KATNAL2: variants seen among roughly 807,000 people sequenced by gnomAD.
KATNAL2 encodes the protein katanin catalytic subunit A1 like 2.
A neutral mutation model predicts 76.3 loss-of-function variants in KATNAL2; 52 were observed. The observed-to-expected ratio is 0.68, with a 90% CI of 0.55 to 0.86. The LOEUF (loss-of-function observed/expected upper bound fraction) is 0.86. Ranked by LOEUF, KATNAL2 falls within the 40% of genes least tolerant of loss-of-function variation. KATNAL2 has a pLI of 0.00. For synonymous variants in KATNAL2, 243 were observed against 244.2 expected, an observed-to-expected ratio of 1.00 and a Z score of 0.05; for missense variants, 660 against 668.9, an observed-to-expected ratio of 0.99 and a Z score of 0.15.
chr18:47,046,412 T>G, intron 3 of KATNAL2, 45 bp from the exon 4 acceptor site: 1 of 1,255,192 alleles, frequency 8.0e-7, no homozygotes, highest in Non-Finnish European at 1.1e-6. Flanking sequence ...GTAGGAGCAG[T>G]GTTATTTTTT....
chr18:46,957,061 G>T (rs970059835), intron 3 of KATNAL2, among the ~76,000 whole-genome samples: 1 of 145,248 alleles, frequency 6.9e-6, no homozygotes, highest in African/African-American at 2.5e-5. Flanking sequence ...AAAAGAAAAA[G>T]AAAATTCATA....
intron 15 of KATNAL2, chr18:47,098,221 CAAAA>C: frequency 3.6e-5 from 11 of 309,560 alleles, no homozygotes; most frequent in Admixed American, 8.1e-5. Context: ...GACTCCGTCT[CAAAA>C]AAAAAAAAAG....
At chr18:47,053,142 T>TACTCCTTTGGTGCAGGGTGA in intron 5 of KATNAL2, 96 bp downstream of exon 5, 2 of 1,046,212 alleles carry the variant, frequency 1.9e-6, no homozygotes, top group Non-Finnish European at 2.7e-6. Context: ...ACCCTCACCC[T>TACTCCTTTGGTGCAGGGTGA]GCACCAAAGG....
At chr18:47,097,595 A>C (rs2063304199) in intron 15 of KATNAL2, among the ~76,000 whole-genome samples, 1 of 152,218 alleles carries the variant, frequency 6.6e-6, no homozygotes, top group Admixed American at 6.5e-5. Flanking sequence ...TGTTTCTTCA[A>C]AAAGGGTCTA....
In KATNAL2 at chr18:47,101,678, C is replaced by T. The variant is rs537039612; in HGVS notation, c.*673C>T. 1.3e-5 allele frequency: 2 copies of T among 153,002 alleles called. No homozygotes were observed. Among genetic ancestry groups the T allele is most frequent in the East Asian group, 3.9e-4 (2 of 5,194 alleles). 9.5% of individuals were successfully genotyped at this position (153,002 alleles called of 1,614,324 possible). A position where few individuals can be genotyped will look rare whatever the true frequency, so the allele number is the denominator to read the frequency against. On this transcript the variant is annotated 3_prime_UTR_variant, in exon 18 of 18. Transcript: ENST00000683218. Reference sequence around the variant, plus strand: ...TCTGATTGTTTTGGGTTCTGGCCCCCAATAACATCTTTTCACTCTTCACAC... The same window carrying T: ...TCTGATTGTTTTGGGTTCTGGCCCCTAATAACATCTTTTCACTCTTCACAC...
At chr18:47,032,353 C>T (rs748595554) in intron 3 of KATNAL2, among the ~76,000 whole-genome samples, 3 of 152,184 alleles carry the variant, frequency 2.0e-5, no homozygotes, top group Non-Finnish European at 4.4e-5. Context: ...CTCAGGCAAT[C>T]CTGCCACCTC....
At chr18:47,046,553 G>A (rs1438432479) in intron 4 of KATNAL2, 26 bp downstream of exon 4, 1 of 1,421,870 alleles carries the variant, frequency 7.0e-7, no homozygotes, top group Non-Finnish European at 9.6e-7. Flanking sequence ...AACATTTATA[G>A]AGATGATTCC....
At position 47,101,190 on chromosome 18, in the gene KATNAL2, T is replaced by A; in HGVS notation, c.*185T>A. The A allele has an allele frequency of 3.2e-6, 2 of 621,600 alleles. No individual in the cohort carries two copies. The highest frequency in any genetic ancestry group is 5.4e-6 in the Non-Finnish European group (2 of 368,772). The allele number at this position is 621,600 out of a possible 1,614,324, so 38.5% of individuals were successfully genotyped here. A position where few individuals can be genotyped will look rare whatever the true frequency, so the allele number is the denominator to read the frequency against. ...ATTTATTAACTTACCATTATCGATG[T>A]CAGCAAAATATTGAGAGTTTCAGTT... On this transcript the variant is annotated 3_prime_UTR_variant, in exon 18 of 18. Coordinates refer to ENST00000683218, the MANE Select transcript of KATNAL2 (RefSeq NM_001387690.1).
intron 3 of KATNAL2, among the ~76,000 whole-genome samples, chr18:46,957,883 A>G (rs1331840819): frequency 6.6e-6 from 1 of 151,880 alleles, no homozygotes; most frequent in Non-Finnish European, 1.5e-5. Context: ...TTTTTAGTAG[A>G]GACGGGGTTT....
In KATNAL2 at chr18:47,063,306, G is replaced by A. The variant is rs2061692401; in HGVS notation, c.671G>A (p.Ser224Asn). Reference sequence around the variant, plus strand: ...CAGGAACGACTGCTGAAACCTCTGAGTGCATTTATTGGCATGAACAGTGAG... The same window carrying A: ...CAGGAACGACTGCTGAAACCTCTGAATGCATTTATTGGCATGAACAGTGAG... ...DPSERLLKPL[S>N]AFIGMNSEMR... The change falls in exon 10 of 18, where the codon AGT becomes AAT. Residue 224 changes from serine to asparagine, a missense_variant. Coordinates refer to ENST00000683218, the MANE Select transcript of KATNAL2 (RefSeq NM_001387690.1). 20 of 1,613,972 alleles carry A rather than the reference G, an allele frequency of 1.2e-5. No individual in the cohort carries two copies. The highest frequency in any genetic ancestry group is 1.7e-5 in the Non-Finnish European group (20 of 1,179,924).
chr18:47,034,309 C>G (rs2060646399), intron 3 of KATNAL2: 1 of 1,613,148 alleles, frequency 6.2e-7, no homozygotes, highest in Admixed American at 1.7e-5. Flanking sequence ...GCCGTCTAGA[C>G]TGGGCCTCTT....
chr18:47,090,202 G>C (rs1239876272), intron 15 of KATNAL2, among the ~76,000 whole-genome samples: 2 of 152,000 alleles, frequency 1.3e-5, no homozygotes, highest in Non-Finnish European at 2.9e-5. Context: ...CGCCTCCCAA[G>C]TTCAAGCAAT....
intron 3 of KATNAL2, among the ~76,000 whole-genome samples, chr18:46,959,068 A>C (rs567964437): frequency 5.9e-5 from 9 of 152,238 alleles, no homozygotes; most frequent in Non-Finnish European, 1.3e-4. Flanking sequence ...TGGGCTCCTA[A>C]AAAAAGAGTA....
chr18:47,082,165 T>C (rs1365862809), intron 15 of KATNAL2, among the ~76,000 whole-genome samples: 1 of 152,164 alleles, frequency 6.6e-6, no homozygotes, highest in Non-Finnish European at 1.5e-5. Context: ...TGACCTGGCC[T>C]AACTAAGATG....
chr18:47,096,544 T>G (rs184061243), intron 15 of KATNAL2, among the ~76,000 whole-genome samples: 1 of 152,110 alleles, frequency 6.6e-6, no homozygotes, highest in African/African-American at 2.4e-5. Flanking sequence ...CTCACTATGT[T>G]GCCCAGCATA....
chr18:47,032,695 C>A, intron 3 of KATNAL2: 2 of 431,540 alleles, frequency 4.6e-6, no homozygotes, highest in Non-Finnish European at 8.1e-6. Context: ...GGAAATCTCA[C>A]ATCTTTTTCC....
At chr18:46,950,322 G>C (rs2059512886) in intron 3 of KATNAL2, among the ~76,000 whole-genome samples, 1 of 152,150 alleles carries the variant, frequency 6.6e-6, no homozygotes, top group South Asian at 2.1e-4. Flanking sequence ...GCAAGGAATT[G>C]TGCTGAGTAG....
chr18:47,085,546 A>C (rs2062731625), intron 15 of KATNAL2, among the ~76,000 whole-genome samples: 1 of 152,104 alleles, frequency 6.6e-6, no homozygotes. Flanking sequence ...ATTGGCCTTT[A>C]GAGATGTCTT....
chr18:47,090,558 G>A (rs1382183541), intron 15 of KATNAL2, among the ~76,000 whole-genome samples: 1 of 152,090 alleles, frequency 6.6e-6, no homozygotes, highest in Admixed American at 6.5e-5. Context: ...ACTATGAGGC[G>A]GAGATGCAGC....
Sources: gnomAD v4.1 joint callset for allele counts (sites outside exome capture counted in the v4.1 genomes callset) on GRCh38, gnomAD v4.1.1 for gene constraint, MANE v1.5 for transcripts, NCBI Gene and HGNC (gene_info 2026-07-23, HGNC 2026-07-21) for gene names.